Variants in DNM3 observed in about 807,000 individuals in gnomAD.
DNM3 encodes the protein dynamin 3.
A neutral mutation model predicts 101.6 loss-of-function variants in DNM3; 47 were observed. The ratio of observed to expected loss-of-function variants is 0.46; its 90% CI spans 0.37 to 0.59. The LOEUF (loss-of-function observed/expected upper bound fraction) is 0.59, where lower values mean the gene tolerates loss of function less well. DNM3 is among the 20% of genes least tolerant of loss of function. The probability of loss-of-function intolerance (pLI) is 0.00; values close to 1 mark genes in which losing one functional copy is unlikely to be tolerated. For missense variants in DNM3, 849 were observed against 1,085.7 expected, an observed-to-expected ratio of 0.78 and a Z score of 3.06; for synonymous variants, 385 against 387.9, an observed-to-expected ratio of 0.99 and a Z score of 0.09.
intron 15 of DNM3, among the ~76,000 whole-genome samples, chr1:172,264,134 T>C (rs976512367): frequency 1.3e-5 from 2 of 152,188 alleles, no homozygotes; most frequent in African/African-American, 4.8e-5. Context: ...GTAGAGGACA[T>C]AGAAAAGACT....
At chr1:172,277,985 A>T (rs1375991567) in intron 15 of DNM3, among the ~76,000 whole-genome samples, 1 of 152,134 alleles carries the variant, frequency 6.6e-6, no homozygotes, top group Non-Finnish European at 1.5e-5. Flanking sequence ...TCCTAAAGGA[A>T]AGCATCTCTG....
At chr1:172,092,135 A>T (rs2053952558) in intron 12 of DNM3, among the ~76,000 whole-genome samples, 1 of 152,170 alleles carries the variant, frequency 6.6e-6, no homozygotes, top group South Asian at 2.1e-4. Flanking sequence ...ATTAAGAATG[A>T]TATGCCCATT....
chr1:172,027,288 A>T (rs2048273007), intron 4 of DNM3, among the ~76,000 whole-genome samples: 1 of 152,164 alleles, frequency 6.6e-6, no homozygotes, highest in Non-Finnish European at 1.5e-5. Flanking sequence ...TCACCCAATT[A>T]AAAAACACAG....
chr1:172,197,004 T>C (rs1489721183), intron 14 of DNM3, among the ~76,000 whole-genome samples: 2 of 152,078 alleles, frequency 1.3e-5, no homozygotes, highest in Non-Finnish European at 2.9e-5. Context: ...CAGGATAGCA[T>C]TGCCTAGGTT....
Position 172,323,347 on chromosome 1 carries a change from T to C in DNM3, c.1893+7T>C, listed in dbSNP as rs138254406. The C allele has an allele frequency of 7.5e-6, 12 of 1,606,658 alleles. No homozygotes were observed. Among genetic ancestry groups the C allele is most frequent in the Non-Finnish European group, 1.0e-5 (12 of 1,176,342 alleles). ...TGCATAGGGGAACAACAAAGTAAGT[T>C]ATTTGTCCTCTTGCAGCTCTTCTGT... On this transcript the variant is annotated splice_region_variant and intron_variant, in intron 17 of 20. Transcript: ENST00000627582.
intron 14 of DNM3, among the ~76,000 whole-genome samples, chr1:172,231,874 G>A (rs951192662): frequency 1.2e-4 from 19 of 152,196 alleles, no homozygotes; most frequent in African/African-American, 3.1e-4. Flanking sequence ...GAAATGAAGC[G>A]AGAAGAGAAG....
chr1:172,390,957 A>T (rs1427268644), intron 20 of DNM3, among the ~76,000 whole-genome samples: 1 of 152,178 alleles, frequency 6.6e-6, no homozygotes, highest in Non-Finnish European at 1.5e-5. Flanking sequence ...CTAGCTTGCC[A>T]GTACCCTTCA....
chr1:172,392,466 C>T (rs754498743), intron 20 of DNM3, among the ~76,000 whole-genome samples: 1 of 152,184 alleles, frequency 6.6e-6, no homozygotes, highest in Non-Finnish European at 1.5e-5. Flanking sequence ...ACAGACATCA[C>T]CACCTCTTTA....
intron 1 of DNM3, among the ~76,000 whole-genome samples, chr1:171,911,271 A>ATTTTT (rs2039273204): frequency 1.9e-5 from 2 of 103,646 alleles, no homozygotes; most frequent in East Asian, 4.3e-4. Context: ...TTACCCCAAC[A>ATTTTT]TCTTTTTTTT....
At chr1:171,942,482 A>G (rs2041883852) in intron 2 of DNM3, among the ~76,000 whole-genome samples, 1 of 152,176 alleles carries the variant, frequency 6.6e-6, no homozygotes, top group African/African-American at 2.4e-5. Context: ...ACCAGTGCAA[A>G]GGGAAATAAT....
chr1:172,308,580 A>T (rs1230936221), intron 15 of DNM3, 148 bp from the exon 16 acceptor site: 1 of 456,932 alleles, frequency 2.2e-6, no homozygotes, highest in Non-Finnish European at 3.8e-6. Context: ...AATTATTTTA[A>T]AGTATGAGTT....
chr1:171,879,008 G>A (rs1043051675), intron 1 of DNM3, among the ~76,000 whole-genome samples: 1 of 152,214 alleles, frequency 6.6e-6, no homozygotes, highest in Non-Finnish European at 1.5e-5. Context: ...TTCTGTCAGA[G>A]TGTATGTAGT....
intron 2 of DNM3, among the ~76,000 whole-genome samples, chr1:171,966,812 G>A (rs1215589594): frequency 6.6e-6 from 1 of 152,156 alleles, no homozygotes; most frequent in Non-Finnish European, 1.5e-5. Flanking sequence ...CAAACTATAG[G>A]ACACAAAGAC....
At chr1:172,019,100 CTTCT>C (rs927548274) in intron 4 of DNM3, among the ~76,000 whole-genome samples, 1 of 148,400 alleles carries the variant, frequency 6.7e-6, no homozygotes, top group African/African-American at 2.5e-5. Flanking sequence ...TTGTTCCTTC[CTTCT>C]TTACTTTCTC....
intron 15 of DNM3, among the ~76,000 whole-genome samples, chr1:172,285,219 T>C (rs908446291): frequency 3.3e-5 from 5 of 152,136 alleles, no homozygotes; most frequent in African/African-American, 1.2e-4. Context: ...GTCGGTTATA[T>C]CCATTATTTT....
At chr1:172,046,198 A>C (rs928992572) in intron 9 of DNM3, among the ~76,000 whole-genome samples, 6 of 152,176 alleles carry the variant, frequency 3.9e-5, no homozygotes, top group African/African-American at 1.4e-4. Flanking sequence ...AATGTGGCAC[A>C]TATACACCAT....
chr1:171,951,573 T>C (rs950784862), intron 2 of DNM3, among the ~76,000 whole-genome samples: 1 of 152,188 alleles, frequency 6.6e-6, no homozygotes, highest in African/African-American at 2.4e-5. Context: ...CTTATTTATG[T>C]TGTATTCTAA....
rs763332302 is a variant in DNM3 at position 172,323,346 on chromosome 1, T to C, written c.1893+6T>C. Reference sequence around the variant, plus strand: ...ATGCATAGGGGAACAACAAAGTAAGTTATTTGTCCTCTTGCAGCTCTTCTG... The same window carrying C: ...ATGCATAGGGGAACAACAAAGTAAGCTATTTGTCCTCTTGCAGCTCTTCTG... On this transcript the variant is annotated splice_donor_region_variant and intron_variant, in intron 17 of 20. Transcript: ENST00000627582. 1.7e-5 allele frequency: 27 copies of C among 1,606,502 alleles called. No individual in the cohort carries two copies. The highest frequency in any genetic ancestry group is 2.2e-5 in the Non-Finnish European group (26 of 1,176,326).
intron 14 of DNM3, chr1:172,131,789 A>G: frequency 5.0e-6 from 2 of 397,350 alleles, no homozygotes; most frequent in South Asian, 1.9e-5. Flanking sequence ...CATTGTTTAT[A>G]CAAATTTTGT....
Sources: gnomAD v4.1 joint callset for allele counts (sites outside exome capture counted in the v4.1 genomes callset) on GRCh38, gnomAD v4.1.1 for gene constraint, MANE v1.5 for transcripts, NCBI Gene and HGNC (gene_info 2026-07-23, HGNC 2026-07-21) for gene names.